Variants in TGIF2 observed in about 807,000 individuals in gnomAD.
TGIF2 encodes the protein TGFB induced factor homeobox 2.
Under a neutral mutation model 15.1 loss-of-function variants are expected in TGIF2, and 5 were observed. The observed-to-expected ratio is 0.33, with a 90% confidence interval of 0.17 to 0.70. TGIF2 has a LOEUF of 0.70. Ranked by LOEUF, TGIF2 falls within the 30% of genes least tolerant of loss-of-function variation. The pLI, the probability that TGIF2 is intolerant of heterozygous loss-of-function variation, is 0.67. For missense variants in TGIF2, 264 were observed against 302.5 expected (o/e 0.87, Z 0.94); for synonymous variants, 131 against 128.9 (o/e 1.02, Z -0.11).
At chr20:36,582,849 A>T (rs2038573980) in intron 2 of TGIF2, among the ~76,000 whole-genome samples, 1 of 152,176 alleles carries the variant, frequency 6.6e-6, no homozygotes, top group Non-Finnish European at 1.5e-5. Context: ...CAGTTAGTTC[A>T]TTGCCCTCAG....
chr20:36,584,210 A>C (rs975648834), intron 2 of TGIF2, among the ~76,000 whole-genome samples: 4 of 152,180 alleles, frequency 2.6e-5, no homozygotes, highest in African/African-American at 9.7e-5. Flanking sequence ...CCCACCCCTG[A>C]CCAGGAGGCT....
intron 2 of TGIF2, among the ~76,000 whole-genome samples, chr20:36,590,318 CA>C (rs1439743860): frequency 1.3e-5 from 2 of 151,970 alleles, no homozygotes; most frequent in Non-Finnish European, 2.9e-5. Context: ...CAGTAGGAGA[CA>C]AATGGCAGTT....
chr20:36,588,391 A>T (rs1343115410), intron 2 of TGIF2, among the ~76,000 whole-genome samples: 3 of 85,898 alleles, frequency 3.5e-5, no homozygotes, highest in Non-Finnish European at 6.2e-5. Flanking sequence ...TTTGAGATGG[A>T]GTCTTGCTTT....
At chr20:36,585,752 C>G (rs912373067) in intron 2 of TGIF2, among the ~76,000 whole-genome samples, 7 of 152,154 alleles carry the variant, frequency 4.6e-5, no homozygotes, top group African/African-American at 1.7e-4. Flanking sequence ...CTTCGACATC[C>G]TCTAAGCCCA....
intron 2 of TGIF2, among the ~76,000 whole-genome samples, chr20:36,582,301 A>G (rs2038562876): frequency 6.6e-6 from 1 of 152,186 alleles, no homozygotes; most frequent in African/African-American, 2.4e-5. Flanking sequence ...GTTAACCTGA[A>G]TCATTTTTAT....
At chr20:36,578,696 G>A (rs2234085) in intron 1 of TGIF2, 45 bp from the exon 2 acceptor site, 188,667 of 1,506,218 alleles carry the variant, frequency 0.13, 13,872 homozygotes, top group Non-Finnish European at 0.15. Flanking sequence ...AGGAAAAGGC[G>A]GTACGTGCTA....
chr20:36,577,365 AATTTTT>A (rs2038451980), intron 1 of TGIF2, among the ~76,000 whole-genome samples: 1 of 41,434 alleles, frequency 2.4e-5, no homozygotes, highest in Non-Finnish European at 5.7e-5. Flanking sequence ...ACACCTAGCT[AATTTTT>A]TTTTTTTTTT....
At position 36,584,157 on chromosome 20, in the gene TGIF2, T is replaced by C. The variant is rs11906049; in HGVS notation, c.192+5191T>C. 6.7e-3 allele frequency among the ~76,000 whole-genome samples: 1,013 copies of C among 152,268 alleles called. 12 individuals carry two copies. The highest frequency in any genetic ancestry group is 0.024 in the African/African-American group (983 of 41,550). On this transcript the variant is annotated intron_variant, in intron 2 of 2. Coordinates refer to ENST00000373872, the MANE Select transcript of TGIF2 (RefSeq NM_021809.7). ...ATCTTGAACCTCAACCCTGGTCCCC[T>C]ACATTCCCACTACATTGATCCACCT... is the stretch of plus-strand genomic sequence containing the variant.
rs535950467 is a variant in TGIF2, at chr20:36,593,251, G to T, written c.*1820G>T. The T allele has an allele frequency of 7.3e-6, 1 of 136,264 alleles. No homozygotes were observed. Among genetic ancestry groups the T allele is most frequent in the Non-Finnish European group, 1.6e-5 (1 of 64,240 alleles). 8.4% of individuals were successfully genotyped at this position (136,264 alleles called of 1,614,324 possible). Reference sequence around the variant, plus strand: ...CACCAGGTCAGGCACAAGGAGAAAAGGTTCCTGGATACTGACTAACTTGGG... The same window carrying T: ...CACCAGGTCAGGCACAAGGAGAAAATGTTCCTGGATACTGACTAACTTGGG... On this transcript the variant is annotated 3_prime_UTR_variant, in exon 3 of 3. Coordinates refer to ENST00000373872, the MANE Select transcript of TGIF2 (RefSeq NM_021809.7).
intron 2 of TGIF2, among the ~76,000 whole-genome samples, chr20:36,584,188 G>T (rs946380995): frequency 3.3e-5 from 5 of 152,228 alleles, no homozygotes; most frequent in Middle Eastern, 3.4e-3. Context: ...CACCTCCCCA[G>T]ACCATTTTCC....
At chr20:36,586,332 C>T (rs1337060977) in intron 2 of TGIF2, among the ~76,000 whole-genome samples, 1 of 152,114 alleles carries the variant, frequency 6.6e-6, no homozygotes, top group Non-Finnish European at 1.5e-5. Context: ...TCTGAAAACA[C>T]ATTGCCAACT....
chr20:36,586,412 C>T (rs2038659096), intron 2 of TGIF2, among the ~76,000 whole-genome samples: 1 of 152,118 alleles, frequency 6.6e-6, no homozygotes, highest in African/African-American at 2.4e-5. Flanking sequence ...AAATCTCTCC[C>T]AGGCTGGGTG....
intron 1 of TGIF2, among the ~76,000 whole-genome samples, chr20:36,576,803 C>A (rs1243018204): frequency 6.6e-6 from 1 of 152,058 alleles, no homozygotes; most frequent in Non-Finnish European, 1.5e-5. Flanking sequence ...CCTCCGGGCT[C>A]AAGCGATTCT....
chr20:36,575,403 G>C (rs1254424355), intron 1 of TGIF2, among the ~76,000 whole-genome samples: 2 of 152,178 alleles, frequency 1.3e-5, no homozygotes, highest in Admixed American at 1.3e-4. Flanking sequence ...CCTGCAGACA[G>C]ACTTGGCTGG....
chr20:36,579,413 C>G (rs1419335186), intron 2 of TGIF2, among the ~76,000 whole-genome samples: 1 of 152,170 alleles, frequency 6.6e-6, no homozygotes, highest in Non-Finnish European at 1.5e-5. Flanking sequence ...CCTTGTGATT[C>G]ACCCGCCTCA....
chr20:36,589,378 AG>A (rs1171537225), intron 2 of TGIF2, among the ~76,000 whole-genome samples: 1 of 151,666 alleles, frequency 6.6e-6, no homozygotes, highest in Non-Finnish European at 1.5e-5. Flanking sequence ...CAGGAAGGTG[AG>A]AAGCTCTAAC....
intron 2 of TGIF2, among the ~76,000 whole-genome samples, chr20:36,586,696 C>G (rs993368034): frequency 3.5e-5 from 5 of 141,956 alleles, no homozygotes; most frequent in East Asian, 4.3e-4. Flanking sequence ...CTCCATTTCC[C>G]CCCCCCCAAA....
intron 2 of TGIF2, among the ~76,000 whole-genome samples, chr20:36,587,979 A>G (rs1228453767): frequency 6.6e-6 from 1 of 151,824 alleles, no homozygotes; most frequent in Non-Finnish European, 1.5e-5. Context: ...CTGAGGTGGG[A>G]GAATTACCTA....
At chr20:36,576,166 G>A (rs1208877412) in intron 1 of TGIF2, among the ~76,000 whole-genome samples, 3 of 152,198 alleles carry the variant, frequency 2.0e-5, no homozygotes, top group African/African-American at 4.8e-5. Context: ...TCCAGGGACT[G>A]AGCAGCTGAG....
Sources: gnomAD v4.1 joint callset for allele counts (sites outside exome capture counted in the v4.1 genomes callset) on GRCh38, gnomAD v4.1.1 for gene constraint, MANE v1.5 for transcripts, NCBI Gene and HGNC (gene_info 2026-07-23, HGNC 2026-07-21) for gene names.